HS3ST5: variants seen among roughly 807,000 people sequenced by gnomAD.
The protein encoded by HS3ST5 is heparan sulfate-glucosamine 3-sulfotransferase 5.
HS3ST5 carries 10 observed loss-of-function variants against 25.4 expected under a neutral mutation model. That is an observed-to-expected ratio of 0.39 (90% CI 0.24 to 0.67). The LOEUF is 0.67. Among genes scored for constraint, HS3ST5 ranks in the 30% least tolerant of loss-of-function variants. The pLI, the probability that HS3ST5 is intolerant of heterozygous loss-of-function variation, is 0.44. For synonymous variants in HS3ST5, 170 were observed against 162.4 expected, an observed-to-expected ratio of 1.05 and a Z score of -0.36; for missense variants, 324 against 420.7, an observed-to-expected ratio of 0.77 and a Z score of 2.01.
intron 3 of HS3ST5, among the ~76,000 whole-genome samples, chr6:114,146,700 T>A (rs1488277511): frequency 6.6e-6 from 1 of 152,180 alleles, no homozygotes; most frequent in South Asian, 2.1e-4. Flanking sequence ...TGGGGGTGGA[T>A]CCCTCATGGC....
chr6:114,210,269 A>C (rs1781453402), intron 2 of HS3ST5, among the ~76,000 whole-genome samples: 1 of 152,188 alleles, frequency 6.6e-6, no homozygotes, highest in Non-Finnish European at 1.5e-5. Context: ...TCATTACATA[A>C]TTTGAAAGCA....
At chr6:114,246,743 T>C (rs1407035249) in intron 1 of HS3ST5, among the ~76,000 whole-genome samples, 1 of 152,198 alleles carries the variant, frequency 6.6e-6, no homozygotes, top group African/African-American at 2.4e-5. Context: ...AACTTCTGAA[T>C]GTAAGGGTGA....
At chr6:114,254,814 G>T (rs1370600246) in intron 1 of HS3ST5, among the ~76,000 whole-genome samples, 1 of 152,086 alleles carries the variant, frequency 6.6e-6, no homozygotes. Flanking sequence ...GGAAATTGCT[G>T]CCATGATTCA....
In HS3ST5 at chr6:114,195,964, T is replaced by A. The variant is rs541107713; in HGVS notation, c.-144-27502A>T. ...GAGTAACTCAAGCTAAGGGCCTGTA[T>A]GCACACTAGGAGAACAGGAGTGGAG... is the stretch of plus-strand genomic sequence containing the variant. On this transcript the variant is annotated intron_variant, in intron 2 of 4. Coordinates refer to ENST00000312719, the MANE Select transcript of HS3ST5 (RefSeq NM_153612.4). 1.2e-4 allele frequency among the ~76,000 whole-genome samples: 18 copies of A among 152,276 alleles called. 3 individuals are homozygous for A. In the South Asian group the frequency reaches 3.7e-3, roughly 32 times the overall value.
intron 3 of HS3ST5, among the ~76,000 whole-genome samples, chr6:114,112,034 G>C (rs895572617): frequency 2.0e-5 from 3 of 152,040 alleles, no homozygotes; most frequent in African/African-American, 7.3e-5. Context: ...TGGTTCCGCT[G>C]TATAATTATC....
rs575350561 is a variant in HS3ST5 at position 114,175,718 on chromosome 6, G to T, written c.-144-7256C>A. Reference sequence around the variant, plus strand: ...ATTGCCACAGCAGTATTTTTCTTAAGTCAAGATTAAAAATATGACGAGCTT... The same window carrying T: ...ATTGCCACAGCAGTATTTTTCTTAATTCAAGATTAAAAATATGACGAGCTT... On this transcript the variant is annotated intron_variant, in intron 2 of 4. Transcript: ENST00000312719. Among the ~76,000 whole-genome samples, 3 of 152,232 alleles carry T rather than the reference G, an allele frequency of 2.0e-5. No homozygotes were observed. The East Asian group carries it at 5.8e-4, about 29-fold the overall frequency.
At chr6:114,245,781 A>C (rs9488350) in intron 1 of HS3ST5, among the ~76,000 whole-genome samples, 6,764 of 152,268 alleles carry the variant, frequency 0.044, 228 homozygotes, top group African/African-American at 0.097. Flanking sequence ...GGCTTTGCCC[A>C]CACCAGCAGA....
At chr6:114,069,921 C>A (rs1773702293) in intron 3 of HS3ST5, among the ~76,000 whole-genome samples, 1 of 152,076 alleles carries the variant, frequency 6.6e-6, no homozygotes, top group African/African-American at 2.4e-5. Context: ...GTGGTTTACA[C>A]TTACATGGGA....
Position 114,242,259 on chromosome 6 carries a change from TTTAA to T in HS3ST5, c.-338-13485_-338-13482del, listed in dbSNP as rs1772164411. Among the ~76,000 whole-genome samples the T allele has an allele frequency of 3.9e-5, 6 of 152,316 alleles. No homozygotes were observed. In the South Asian group the frequency reaches 1.2e-3, roughly 32 times the overall value. ...TTGAAATAATAATATTTTGGATTTA[TTTAA>T]TTAAGCATATTATTAAATTTAATTT... On this transcript the variant is annotated intron_variant, in intron 1 of 4. Transcript: ENST00000312719.
intron 3 of HS3ST5, among the ~76,000 whole-genome samples, chr6:114,128,696 A>G (rs150361238): frequency 1.3e-5 from 2 of 152,362 alleles, no homozygotes; most frequent in East Asian, 3.9e-4. Context: ...AATTTAATTG[A>G]GAGTACTGAA....
intron 2 of HS3ST5, among the ~76,000 whole-genome samples, chr6:114,208,296 T>TA (rs1781366644): frequency 6.6e-6 from 1 of 152,198 alleles, no homozygotes; most frequent in South Asian, 2.1e-4. Flanking sequence ...TATGAGGGCC[T>TA]AATTTTTAAA....
At position 114,187,765 on chromosome 6, in the gene HS3ST5, A is replaced by T. The variant is rs541003890; in HGVS notation, c.-144-19303T>A. On this transcript the variant is annotated intron_variant, in intron 2 of 4. Transcript: ENST00000312719. ...CAAATAGCATCACATGCTACAGATA[A>T]ATCTTTCATGAAAGGAAGAGTCGAT... 5.3e-5 allele frequency among the ~76,000 whole-genome samples: 8 copies of T among 152,292 alleles called. No homozygotes were observed. The East Asian group carries it at 5.8e-4, about 11-fold the overall frequency.
intron 3 of HS3ST5, among the ~76,000 whole-genome samples, chr6:114,088,243 G>T (rs1372511039): frequency 6.6e-6 from 1 of 152,012 alleles, no homozygotes; most frequent in Non-Finnish European, 1.5e-5. Context: ...CCTGAATTTT[G>T]TGCTGTAATT....
At chr6:114,246,073 C>T (rs1198848741) in intron 1 of HS3ST5, among the ~76,000 whole-genome samples, 1 of 152,180 alleles carries the variant, frequency 6.6e-6, no homozygotes, top group East Asian at 1.9e-4. Context: ...TACACTGGAC[C>T]TAGCCTGGAA....
intron 1 of HS3ST5, among the ~76,000 whole-genome samples, chr6:114,267,469 G>T (rs1773456062): frequency 6.6e-6 from 1 of 152,162 alleles, no homozygotes; most frequent in African/African-American, 2.4e-5. Context: ...TCTGGGCCTG[G>T]AGGTGAGGAA....
chr6:114,251,351 T>G (rs1772649784), intron 1 of HS3ST5, among the ~76,000 whole-genome samples: 1 of 152,120 alleles, frequency 6.6e-6, no homozygotes, highest in South Asian at 2.1e-4. Context: ...GCATATCCCC[T>G]CAAATCCTGA....
chr6:114,319,024 A>C (rs1256723456), intron 1 of HS3ST5, among the ~76,000 whole-genome samples: 7 of 152,166 alleles, frequency 4.6e-5, no homozygotes, highest in African/African-American at 1.7e-4. Context: ...AAACAAAACA[A>C]AACAAAAACA....
chr6:114,091,028 A>C (rs1258336541), intron 3 of HS3ST5, among the ~76,000 whole-genome samples: 1 of 152,184 alleles, frequency 6.6e-6, no homozygotes, highest in Non-Finnish European at 1.5e-5. Flanking sequence ...TGGGGAGAAA[A>C]AAACTATTTC....
chr6:114,118,646 C>G (rs1336642958), intron 3 of HS3ST5, among the ~76,000 whole-genome samples: 1 of 152,128 alleles, frequency 6.6e-6, no homozygotes, highest in Non-Finnish European at 1.5e-5. Flanking sequence ...GGCCTCATGA[C>G]CAAAATGAAT....
Sources: gnomAD v4.1 joint callset for allele counts (sites outside exome capture counted in the v4.1 genomes callset) on GRCh38, gnomAD v4.1.1 for gene constraint, MANE v1.5 for transcripts, NCBI Gene and HGNC (gene_info 2026-07-23, HGNC 2026-07-21) for gene names.